ADAMTS12: variants seen among roughly 807,000 people sequenced by gnomAD.
ADAMTS12 encodes ADAM metallopeptidase with thrombospondin type 1 motif 12, also known as A disintegrin and metalloproteinase with thrombospondin motifs 12.
Under a neutral mutation model 167.8 loss-of-function variants are expected in ADAMTS12, and 118 were observed. That is an observed-to-expected ratio of 0.70 (90% confidence interval 0.61 to 0.82). The LOEUF (loss-of-function observed/expected upper bound fraction) is 0.82. Among genes scored for constraint, ADAMTS12 ranks in the 40% least tolerant of loss-of-function variants. ADAMTS12 has a pLI of 0.00. For missense variants in ADAMTS12, 1,916 were observed against 1,998.8 expected, an observed-to-expected ratio of 0.96 and a Z score of 0.79; for synonymous variants, 704 against 716.9, an observed-to-expected ratio of 0.98 and a Z score of 0.29.
intron 2 of ADAMTS12, among the ~76,000 whole-genome samples, chr5:33,754,165 C>T (rs555694660): frequency 2.6e-5 from 4 of 152,260 alleles, no homozygotes; most frequent in Admixed American, 6.5e-5. Context: ...AAAAATCACC[C>T]GTGGTTTGCT....
intron 9 of ADAMTS12, among the ~76,000 whole-genome samples, chr5:33,645,431 C>T (rs1047621918): frequency 6.6e-6 from 1 of 152,106 alleles, no homozygotes; most frequent in African/African-American, 2.4e-5. Flanking sequence ...CGGCTTCATG[C>T]AAAGGTCTCA....
chr5:33,553,505 A>G (rs1231435420), intron 20 of ADAMTS12, among the ~76,000 whole-genome samples: 1 of 152,224 alleles, frequency 6.6e-6, no homozygotes, highest in Non-Finnish European at 1.5e-5. Flanking sequence ...AAAATGTGGT[A>G]ATATACACTA....
intron 2 of ADAMTS12, among the ~76,000 whole-genome samples, chr5:33,809,479 T>G (rs1392779192): frequency 9.0e-6 from 1 of 111,690 alleles, no homozygotes; most frequent in East Asian, 5.1e-4. Flanking sequence ...ACTTTCAAAA[T>G]TTTTATCTAT....
At chr5:33,709,490 C>T (rs941926947) in intron 3 of ADAMTS12, among the ~76,000 whole-genome samples, 22 of 151,916 alleles carry the variant, frequency 1.4e-4, no homozygotes, top group East Asian at 1.9e-4. Context: ...ATAAAGAAAA[C>T]GTGGTACATA....
At chr5:33,860,007 G>T (rs530454347) in intron 2 of ADAMTS12, among the ~76,000 whole-genome samples, 7 of 152,248 alleles carry the variant, frequency 4.6e-5, no homozygotes, top group African/African-American at 1.4e-4. Context: ...CCATCCAAAT[G>T]TCACCAACAT....
At position 33,592,243 on chromosome 5, in the gene ADAMTS12, AAAAAAAACAAAAAAC is replaced by A. The variant is rs1185188432; in HGVS notation, c.2655-3449_2655-3435del. On this transcript the variant is annotated intron_variant, in intron 17 of 23. Coordinates refer to ENST00000504830, the MANE Select transcript of ADAMTS12 (RefSeq NM_030955.4). ...AAACTCCGTCTCAAAACAAACAAACAAAAAAAACAAAAAACAAAAAAACAAAAAACAAAACAAAAC... is the reference window on the plus strand; with the variant it reads ...AAACTCCGTCTCAAAACAAACAAACAAAAAAAACAAAAAACAAAACAAAAC... 3.3e-3 allele frequency among the ~76,000 whole-genome samples: 489 copies of A among 149,364 alleles called. 1 individual carries two copies. Among genetic ancestry groups the A allele is most frequent in the African/African-American group, 0.012 (449 of 38,910 alleles).
At chr5:33,545,039 A>G (rs1484243571) in intron 22 of ADAMTS12, among the ~76,000 whole-genome samples, 1 of 152,236 alleles carries the variant, frequency 6.6e-6, no homozygotes, top group Non-Finnish European at 1.5e-5. Context: ...GAGCTTCTGC[A>G]TGGCAAACAA....
rs1252733065 is a variant in ADAMTS12, at chr5:33,549,366, A to G, written c.4143T>C (p.Ser1381=). 6.2e-7 allele frequency: 1 copy of G among 1,613,510 alleles called. No individual in the cohort carries two copies. The highest frequency in any genetic ancestry group is 1.7e-5 in the Admixed American group (1 of 60,010). Reference sequence around the variant, plus strand: ...GAATCTCGCGTATCTTGAAGCCCCCACTGCAGTTTCTGGAGCACTGTATGG... The same window carrying G: ...GAATCTCGCGTATCTTGAAGCCCCCGCTGCAGTTTCTGGAGCACTGTATGG... The part of the protein sequence containing the change: ...GNWSKCSRNC[S]GGFKIREIQC... The change falls in exon 21 of 24, where the codon AGT becomes AGC. Residue 1381 remains serine (S), a synonymous_variant. Coordinates refer to ENST00000504830, the MANE Select transcript of ADAMTS12 (RefSeq NM_030955.4).
Position 33,592,328 on chromosome 5 carries a change from G to A in ADAMTS12, c.2655-3519C>T, listed in dbSNP as rs908738162. On this transcript the variant is annotated intron_variant, in intron 17 of 23. Transcript: ENST00000504830. ...AAAGCAGCAATAGCGTTGAGGTTGA[G>A]AAACCTTGATTTAAGTCATATGTCA... is the stretch of plus-strand genomic sequence containing the variant. 2.6e-5 allele frequency among the ~76,000 whole-genome samples: 4 copies of A among 152,194 alleles called. 1 individual carries two copies. In the South Asian group the frequency reaches 8.3e-4, roughly 31 times the overall value.
At chr5:33,816,023 A>G (rs1485806722) in intron 2 of ADAMTS12, among the ~76,000 whole-genome samples, 1 of 152,174 alleles carries the variant, frequency 6.6e-6, no homozygotes, top group African/African-American at 2.4e-5. Context: ...TTCTATGGAA[A>G]GATGATGAGC....
chr5:33,558,508 A>AAG (rs943004721), intron 20 of ADAMTS12, among the ~76,000 whole-genome samples: 3 of 151,544 alleles, frequency 2.0e-5, no homozygotes, highest in South Asian at 2.1e-4. Context: ...AAGGCCATGA[A>AAG]AGAGAGAGAG....
At chr5:33,720,424 T>A (rs927056516) in intron 3 of ADAMTS12, among the ~76,000 whole-genome samples, 1 of 152,112 alleles carries the variant, frequency 6.6e-6, no homozygotes, top group African/African-American at 2.4e-5. Flanking sequence ...AAATAGGTCA[T>A]GGAAATTCAA....
intron 18 of ADAMTS12, among the ~76,000 whole-genome samples, chr5:33,585,457 T>A (rs1369136668): frequency 6.6e-6 from 1 of 152,238 alleles, no homozygotes; most frequent in Non-Finnish European, 1.5e-5. Context: ...AAAGGAAAAC[T>A]GTATAAACAA....
At chr5:33,805,541 T>C (rs964890419) in intron 2 of ADAMTS12, among the ~76,000 whole-genome samples, 17 of 152,188 alleles carry the variant, frequency 1.1e-4, no homozygotes, top group Admixed American at 2.0e-4. Context: ...AGACTTGTAA[T>C]GTGGCAGTGG....
At chr5:33,799,847 C>T (rs753148768) in intron 2 of ADAMTS12, among the ~76,000 whole-genome samples, 2 of 152,180 alleles carry the variant, frequency 1.3e-5, no homozygotes, top group Non-Finnish European at 2.9e-5. Context: ...GAGTGTCCCT[C>T]TTATATGTGA....
At chr5:33,789,768 G>A (rs1746457065) in intron 2 of ADAMTS12, among the ~76,000 whole-genome samples, 2 of 152,080 alleles carry the variant, frequency 1.3e-5, no homozygotes, top group African/African-American at 4.8e-5. Flanking sequence ...AACAAACACA[G>A]GGGAAAGTCC....
intron 2 of ADAMTS12, among the ~76,000 whole-genome samples, chr5:33,824,949 C>T (rs1207287311): frequency 6.6e-6 from 1 of 152,144 alleles, no homozygotes; most frequent in African/African-American, 2.4e-5. Flanking sequence ...GTTTGGATTC[C>T]TGAGCTACCA....
intron 16 of ADAMTS12, among the ~76,000 whole-genome samples, chr5:33,602,261 C>A (rs531643566): frequency 6.6e-6 from 1 of 152,300 alleles, no homozygotes; most frequent in African/African-American, 2.4e-5. Flanking sequence ...AAATAACAGA[C>A]CATTAGATTA....
chr5:33,674,624 A>G (rs1474239229), intron 5 of ADAMTS12, among the ~76,000 whole-genome samples: 1 of 152,208 alleles, frequency 6.6e-6, no homozygotes, highest in Non-Finnish European at 1.5e-5. Context: ...AATAAAACCC[A>G]CTGTATGCAT....
Sources: allele counts gnomAD v4.1 joint callset (sites outside exome capture counted in the v4.1 genomes callset), GRCh38; gene constraint gnomAD v4.1.1; transcripts MANE v1.5; gene names NCBI Gene and HGNC (gene_info 2026-07-23, HGNC 2026-07-21).